The following PDCD1LG2 variants were observed in gnomAD, a reference collection of about 807,000 sequenced individuals.
PDCD1LG2 encodes the protein B7 dendritic cell molecule.
A neutral mutation model predicts 28.2 loss-of-function variants in PDCD1LG2; 32 were observed. The ratio of observed to expected loss-of-function variants is 1.13; its 90% CI spans 0.86 to 1.52. The LOEUF (loss-of-function observed/expected upper bound fraction) is 1.52, where lower values mean the gene tolerates loss of function less well. Ranked by LOEUF, PDCD1LG2 falls within the 40% of genes most tolerant of loss-of-function variation. PDCD1LG2 has a pLI of 0.00. For missense variants in PDCD1LG2, 385 were observed against 323.8 expected, an observed-to-expected ratio of 1.19 and a Z score of -1.45; for synonymous variants, 116 against 120.2, an observed-to-expected ratio of 0.97 and a Z score of 0.23.
intron 6 of PDCD1LG2, among the ~76,000 whole-genome samples, chr9:5,568,440 A>G (rs1354700028): frequency 7.9e-5 from 12 of 152,112 alleles, no homozygotes; most frequent in Admixed American, 7.9e-4. Context: ...CCTTATGAAA[A>G]TCTAATGTCT....
At chr9:5,537,777 T>A (rs1223444694) in intron 3 of PDCD1LG2, among the ~76,000 whole-genome samples, 3 of 152,100 alleles carry the variant, frequency 2.0e-5, no homozygotes, top group Non-Finnish European at 4.4e-5. Context: ...ATACCTAATG[T>A]TTAATGACAA....
chr9:5,515,493 G>A (rs878971431), intron 1 of PDCD1LG2, among the ~76,000 whole-genome samples: 5 of 152,268 alleles, frequency 3.3e-5, no homozygotes, highest in South Asian at 4.1e-4. Context: ...GAGGAGCTTC[G>A]TTGAGTGACA....
rs2129794341 is a variant in PDCD1LG2, at chr9:5,534,913, T to C, written c.224T>C (p.Leu75Ser). 1 of 1,614,166 alleles carries C rather than the reference T, an allele frequency of 6.2e-7. No homozygotes were observed. The highest frequency in any genetic ancestry group is 8.5e-7 in the Non-Finnish European group (1 of 1,180,016). ...DTSPHRERAT[L>S]LEEQLPLGKA... is the part of the protein sequence containing the mutation. Reference sequence around the variant, plus strand: ...TCCCCACACCGTGAAAGAGCCACTTTGCTGGAGGAGCAGCTGCCCCTAGGG... The same window carrying C: ...TCCCCACACCGTGAAAGAGCCACTTCGCTGGAGGAGCAGCTGCCCCTAGGG... The change falls in exon 3 of 7, where the codon TTG becomes TCG. Residue 75 changes from leucine (L) to serine (S), a missense_variant. Leu to Ser is a moderately radical substitution (Grantham distance 145). Transcript: ENST00000397747.
chr9:5,552,216 T>C (rs1372801967), intron 4 of PDCD1LG2, among the ~76,000 whole-genome samples: 3 of 152,210 alleles, frequency 2.0e-5, no homozygotes, highest in African/African-American at 4.8e-5. Flanking sequence ...GTCTCCATTA[T>C]GTAGCAGTGT....
intron 1 of PDCD1LG2, among the ~76,000 whole-genome samples, chr9:5,513,081 A>T (rs1239093834): frequency 2.0e-5 from 3 of 152,236 alleles, no homozygotes; most frequent in Non-Finnish European, 4.4e-5. Context: ...CTCAAAAAAA[A>T]AATTAGATGT....
chr9:5,544,576 A>T (rs1820755862), intron 3 of PDCD1LG2, among the ~76,000 whole-genome samples: 1 of 152,248 alleles, frequency 6.6e-6, no homozygotes, highest in Admixed American at 6.5e-5. Flanking sequence ...CAGAGAAGAA[A>T]AAGTGAGAGA....
intron 3 of PDCD1LG2, among the ~76,000 whole-genome samples, chr9:5,536,306 C>T (rs910736011): frequency 4.6e-5 from 7 of 152,096 alleles, no homozygotes; most frequent in Non-Finnish European, 7.4e-5. Context: ...GCATGGTACC[C>T]GGCATATAAT....
At chr9:5,524,237 C>G (rs964531169) in intron 2 of PDCD1LG2, among the ~76,000 whole-genome samples, 1 of 152,200 alleles carries the variant, frequency 6.6e-6, no homozygotes, top group African/African-American at 2.4e-5. Flanking sequence ...TTCAACAAAG[C>G]TAATGTCCTT....
intron 2 of PDCD1LG2, among the ~76,000 whole-genome samples, chr9:5,526,298 T>G (rs961094939): frequency 6.6e-6 from 1 of 152,220 alleles, no homozygotes; most frequent in Admixed American, 6.5e-5. Context: ...AGGTGATTAC[T>G]TTTGTAACCA....
chr9:5,570,811 T>C lies in PDCD1LG2; in HGVS notation c.*852T>C, dbSNP rs1326234642. On this transcript the variant is annotated 3_prime_UTR_variant, in exon 7 of 7. Coordinates refer to ENST00000397747, the MANE Select transcript of PDCD1LG2 (RefSeq NM_025239.4). ...AATGGCCAAAGCCCCAAACTAAGCC[T>C]CCTTTTCTGGCCCTCAATATGACTT... 4.3e-6 allele frequency: 1 copy of C among 232,806 alleles called. No homozygotes were observed. The allele number at this position is 232,806 out of a possible 1,614,324, so 14.4% of individuals were successfully genotyped here.
Position 5,536,904 on chromosome 9 carries a change from C to T in PDCD1LG2, c.361+1854C>T, listed in dbSNP as rs79297231. 2.8e-3 allele frequency among the ~76,000 whole-genome samples: 425 copies of T among 152,300 alleles called. 3 individuals are homozygous for T. The highest frequency in any genetic ancestry group is 9.7e-3 in the African/African-American group (401 of 41,550). ...CATGCCAGGCAAGGCTCTTGGGGTT[C>T]CCCTAAAACACTTCCTCTTTTAAGC... On this transcript the variant is annotated intron_variant, in intron 3 of 6. Transcript: ENST00000397747.
At chr9:5,550,645 G>A (rs1482910687) in intron 4 of PDCD1LG2, among the ~76,000 whole-genome samples, 2 of 151,660 alleles carry the variant, frequency 1.3e-5, no homozygotes, top group Non-Finnish European at 2.9e-5. Context: ...ATCTTCAGAG[G>A]CAGCAACCCT....
At chr9:5,534,110 G>C (rs1820533821) in intron 2 of PDCD1LG2, among the ~76,000 whole-genome samples, 1 of 151,974 alleles carries the variant, frequency 6.6e-6, no homozygotes, top group East Asian at 1.9e-4. Context: ...AAAAAGGATA[G>C]AATATTATTA....
intron 3 of PDCD1LG2, among the ~76,000 whole-genome samples, chr9:5,536,772 A>C (rs907013085): frequency 2.0e-5 from 3 of 152,168 alleles, no homozygotes; most frequent in African/African-American, 7.2e-5. Flanking sequence ...GGGGATTACA[A>C]AGACTTTTCA....
chr9:5,539,594 C>T (rs1465683914), intron 3 of PDCD1LG2, among the ~76,000 whole-genome samples: 1 of 152,184 alleles, frequency 6.6e-6, no homozygotes, highest in Non-Finnish European at 1.5e-5. Flanking sequence ...CCAGGTGGCA[C>T]CTACATTTCT....
chr9:5,549,062 A>C (rs748464514), intron 3 of PDCD1LG2, among the ~76,000 whole-genome samples: 2 of 152,232 alleles, frequency 1.3e-5, no homozygotes, highest in African/African-American at 2.4e-5. Context: ...CTCTATGACT[A>C]TGAACAAAAC....
At chr9:5,511,916 C>T (rs748226909) in intron 1 of PDCD1LG2, among the ~76,000 whole-genome samples, 5 of 152,168 alleles carry the variant, frequency 3.3e-5, no homozygotes, top group Non-Finnish European at 7.3e-5. Context: ...GTTCCTAGTG[C>T]AGTACCTGGC....
At chr9:5,526,106 AC>A (rs573249213) in intron 2 of PDCD1LG2, among the ~76,000 whole-genome samples, 66 of 151,846 alleles carry the variant, frequency 4.3e-4, no homozygotes, top group African/African-American at 1.4e-3. Flanking sequence ...GACGCCAGTT[AC>A]CTCTGGTGCA....
At chr9:5,512,876 C>T (rs1363381809) in intron 1 of PDCD1LG2, among the ~76,000 whole-genome samples, 1 of 152,144 alleles carries the variant, frequency 6.6e-6, no homozygotes, top group Non-Finnish European at 1.5e-5. Flanking sequence ...AATCTTGTTG[C>T]TTTTCTCTTT....
Sources: gnomAD v4.1 joint callset for allele counts (sites outside exome capture counted in the v4.1 genomes callset) on GRCh38, gnomAD v4.1.1 for gene constraint, MANE v1.5 for transcripts, NCBI Gene and HGNC (gene_info 2026-07-23, HGNC 2026-07-21) for gene names.